The following GPHN variants were observed in gnomAD, a reference collection of about 807,000 sequenced individuals.
GPHN encodes the protein gephyrin.
In GPHN, 17 loss-of-function variants were observed where a neutral mutation model predicts 95.5. The ratio of observed to expected loss-of-function variants is 0.18; its 90% CI spans 0.12 to 0.27. GPHN has a LOEUF of 0.27. GPHN is among the 10% of genes least tolerant of loss of function. GPHN has a pLI of 1.00. For missense variants in GPHN, 660 were observed against 978.1 expected (o/e 0.67, Z 4.34); for synonymous variants, 320 against 322.5 (o/e 0.99, Z 0.08).
At chr14:67,341,433 C>T in the GPHN span, among the ~76,000 whole-genome samples, 55 of 152,096 alleles carry the variant, frequency 3.6e-4, no homozygotes, top group Non-Finnish European at 1.5e-4. Flanking sequence ...AGCGTCTCCG[C>T]CCAGCAGCCA....
intron 9 of GPHN, among the ~76,000 whole-genome samples, 176 bp from the exon 10 acceptor site, chr14:67,023,457 A>C (rs1011199621): frequency 1.3e-5 from 2 of 152,170 alleles, no homozygotes; most frequent in African/African-American, 4.8e-5. Context: ...TCTTTAAGGA[A>C]AAGATAAAGA....
intron 18 of GPHN, among the ~76,000 whole-genome samples, chr14:67,153,873 A>G (rs2081429065): frequency 6.6e-6 from 1 of 152,194 alleles, no homozygotes; most frequent in Non-Finnish European, 1.5e-5. Flanking sequence ...GTAAACAAAA[A>G]TATAAGAACA....
intron 3 of GPHN, among the ~76,000 whole-genome samples, chr14:66,804,019 G>GT (rs763894184): frequency 2.7e-5 from 4 of 150,594 alleles, no homozygotes; most frequent in African/African-American, 7.3e-5. Flanking sequence ...TTTTTGTTCT[G>GT]TTTTTTCCTC....
chr14:67,068,036 C>A (rs1047403851), intron 11 of GPHN, among the ~76,000 whole-genome samples: 7 of 152,178 alleles, frequency 4.6e-5, no homozygotes, highest in African/African-American at 1.4e-4. Flanking sequence ...TCTTCTGCGT[C>A]GGTCATGCTG....
At chr14:66,865,029 T>C (rs2063174550) in intron 4 of GPHN, among the ~76,000 whole-genome samples, 1 of 152,180 alleles carries the variant, frequency 6.6e-6, no homozygotes, top group Admixed American at 6.5e-5. Flanking sequence ...AAACTTCACA[T>C]GTTCTCACTC....
chr14:67,379,800 G>A, the GPHN span, among the ~76,000 whole-genome samples: 67 of 147,916 alleles, frequency 4.5e-4, no homozygotes, highest in Non-Finnish European at 7.2e-4. Context: ...GACTACAGGC[G>A]CCCGCCACTA....
chr14:66,681,224 CTT>C, intron 2 of GPHN, 39 bp downstream of exon 2: 1 of 1,177,694 alleles, frequency 8.5e-7, no homozygotes. Flanking sequence ...TAAATTAAAA[CTT>C]TATTATTAGT....
chr14:66,874,093 T>A (rs2063553911), intron 4 of GPHN, among the ~76,000 whole-genome samples: 1 of 152,176 alleles, frequency 6.6e-6, no homozygotes, highest in African/African-American at 2.4e-5. Context: ...CAGCCTTTGC[T>A]AGTGATACCC....
the GPHN span, chr14:67,571,695 T>C: frequency 3.2e-6 from 5 of 1,575,388 alleles, no homozygotes; most frequent in Non-Finnish European, 3.5e-6. Flanking sequence ...AGCTGCAGGG[T>C]TGGGAGAGGA....
At chr14:67,584,210 C>G in the GPHN span, 1 of 1,387,684 alleles carries the variant, frequency 7.2e-7, no homozygotes, top group South Asian at 1.2e-5. Context: ...GCAGCCCCTA[C>G]CTCCATACCA....
At chr14:66,665,550 A>G (rs2065903168) in intron 1 of GPHN, among the ~76,000 whole-genome samples, 1 of 152,224 alleles carries the variant, frequency 6.6e-6, no homozygotes, top group Non-Finnish European at 1.5e-5. Flanking sequence ...CCACAATGAG[A>G]TACCATCTCA....
intron 3 of GPHN, among the ~76,000 whole-genome samples, chr14:66,809,401 G>T (rs1332801512): frequency 6.6e-6 from 1 of 151,942 alleles, no homozygotes; most frequent in African/African-American, 2.4e-5. Flanking sequence ...TTGTCATTAC[G>T]AATATTAAAT....
chr14:67,061,283 C>T (rs1594983220), intron 11 of GPHN, among the ~76,000 whole-genome samples: 1 of 152,082 alleles, frequency 6.6e-6, no homozygotes, highest in African/African-American at 2.4e-5. Flanking sequence ...TCAGGTGATC[C>T]ACCCACCTCG....
intron 1 of GPHN, among the ~76,000 whole-genome samples, chr14:66,586,065 G>T (rs1439242490): frequency 6.6e-6 from 1 of 152,142 alleles, no homozygotes; most frequent in Non-Finnish European, 1.5e-5. Context: ...TTATGAATCT[G>T]GGTGCTCCTG....
the GPHN span, among the ~76,000 whole-genome samples, chr14:67,235,000 AC>A: frequency 6.6e-6 from 1 of 151,888 alleles, no homozygotes; most frequent in Admixed American, 6.5e-5. Flanking sequence ...TACTAAAAGT[AC>A]AAAAATTTGC....
chr14:66,683,355 T>TGTTC lies in GPHN; in HGVS notation c.143+2170_143+2171insGTTC, dbSNP rs1268543593. On this transcript the variant is annotated intron_variant, in intron 2 of 22. Coordinates refer to ENST00000478722, the MANE Select transcript of GPHN (RefSeq NM_020806.5). ...ATATATATATATATATATATATATA[T>TGTTC]ATATATATATATATATATATATATG... 5.1e-4 allele frequency among the ~76,000 whole-genome samples: 43 copies of TGTTC among 84,330 alleles called. 2 individuals are homozygous for TGTTC. The highest frequency in any genetic ancestry group is 5.6e-3 in the Middle Eastern group (1 of 180). 55.3% of individuals were successfully genotyped at this position (84,330 alleles called of 152,430 possible).
chr14:67,024,192 T>C (rs905655538), intron 10 of GPHN, among the ~76,000 whole-genome samples: 1 of 152,198 alleles, frequency 6.6e-6, no homozygotes, highest in African/African-American at 2.4e-5. Context: ...TGATCACTAA[T>C]AGCATTAACT....
chr14:67,368,712 A>G, the GPHN span, among the ~76,000 whole-genome samples: 29 of 141,286 alleles, frequency 2.1e-4, no homozygotes, highest in Non-Finnish European at 3.9e-4. Flanking sequence ...AAGGATGTAT[A>G]TTGTAAATTC....
chr14:67,675,045 G>A, the GPHN span, among the ~76,000 whole-genome samples: 17 of 152,330 alleles, frequency 1.1e-4, no homozygotes, highest in Admixed American at 1.1e-3. Context: ...GCGTCTAGAC[G>A]TCGTCCTCAC....
Sources: allele counts gnomAD v4.1 joint callset (sites outside exome capture counted in the v4.1 genomes callset), GRCh38; gene constraint gnomAD v4.1.1; transcripts MANE v1.5; gene names NCBI Gene and HGNC (gene_info 2026-07-23, HGNC 2026-07-21).